The following CATSPERB variants were observed in gnomAD, a reference collection of about 807,000 sequenced individuals.
The protein encoded by CATSPERB is catsper channel auxiliary subunit beta.
Under a neutral mutation model 128.3 loss-of-function variants are expected in CATSPERB, and 93 were observed. That is an observed-to-expected ratio of 0.72 (90% CI 0.61 to 0.86). The LOEUF is 0.86. Among genes scored for constraint, CATSPERB ranks in the 40% least tolerant of loss-of-function variants. The pLI, the probability that CATSPERB is intolerant of heterozygous loss-of-function variation, is 0.00. For synonymous variants in CATSPERB, 381 were observed against 448.8 expected (o/e 0.85, Z 1.91); for missense variants, 1,153 against 1,329.5 (o/e 0.87, Z 2.06).
chr14:91,660,979 C>CT (rs1170048490), intron 14 of CATSPERB, among the ~76,000 whole-genome samples: 1 of 152,180 alleles, frequency 6.6e-6, no homozygotes, highest in African/African-American at 2.4e-5. Flanking sequence ...GGACTGCTTG[C>CT]TTACTGGGCC....
At chr14:91,724,999 A>C in intron 3 of CATSPERB, 81 bp downstream of exon 3, 1 of 564,650 alleles carries the variant, frequency 1.8e-6, no homozygotes, top group Non-Finnish European at 2.9e-6. Context: ...GGTATTTGGA[A>C]AGAATACAAT....
At chr14:91,726,008 T>A (rs1460984701) in intron 2 of CATSPERB, among the ~76,000 whole-genome samples, 1 of 152,120 alleles carries the variant, frequency 6.6e-6, no homozygotes, top group African/African-American at 2.4e-5. Flanking sequence ...GAGGAGCTCC[T>A]CTGGGGATGG....
At chr14:91,594,319 G>A (rs1424003683) in intron 22 of CATSPERB, among the ~76,000 whole-genome samples, 1 of 151,702 alleles carries the variant, frequency 6.6e-6, no homozygotes, top group Non-Finnish European at 1.5e-5. Flanking sequence ...ACACACCAGG[G>A]ACTGTTGTGG....
At chr14:91,599,185 G>C in intron 22 of CATSPERB, among the ~76,000 whole-genome samples, 1 of 152,088 alleles carries the variant, frequency 6.6e-6, no homozygotes, top group East Asian at 1.9e-4. Context: ...CAAAGGTCAG[G>C]GGCATCTCCA....
intron 22 of CATSPERB, among the ~76,000 whole-genome samples, chr14:91,600,861 A>G (rs886240069): frequency 3.3e-5 from 5 of 152,240 alleles, no homozygotes; most frequent in African/African-American, 1.2e-4. Context: ...TCAAGACTAA[A>G]ATGGTCATCA....
At chr14:91,617,182 T>G (rs1476535679) in intron 20 of CATSPERB, among the ~76,000 whole-genome samples, 2 of 152,206 alleles carry the variant, frequency 1.3e-5, no homozygotes, top group Non-Finnish European at 2.9e-5. Context: ...TGTTACCTTT[T>G]TCTTTAATTT....
rs914206813 is a variant in CATSPERB at position 91,674,368 on chromosome 14, A to G, written c.932-146T>C. The G allele has an allele frequency of 1.2e-5, 7 of 565,722 alleles. No homozygotes were observed. In the African/African-American group the frequency reaches 1.4e-4, roughly 11 times the overall value. 35.0% of individuals were successfully genotyped at this position (565,722 alleles called of 1,614,324 possible). A position where few individuals can be genotyped will look rare whatever the true frequency, so the allele number is the denominator to read the frequency against. ...GTAAATGAAAATAATAATAATAATAAAAGTTATGTATCATCAAGTAATGTA... is the reference window on the plus strand; with the variant it reads ...GTAAATGAAAATAATAATAATAATAGAAGTTATGTATCATCAAGTAATGTA... On this transcript the variant is annotated intron_variant, in intron 11 of 26. Transcript: ENST00000256343.
intron 7 of CATSPERB, 63 bp from the exon 8 acceptor site, chr14:91,693,542 G>T (rs1348362747): frequency 2.5e-6 from 3 of 1,211,054 alleles, no homozygotes; most frequent in Non-Finnish European, 3.7e-6. Flanking sequence ...ACCTTCAGGG[G>T]CAAGAGCCCA....
intron 18 of CATSPERB, 131 bp downstream of exon 18, chr14:91,624,689 C>A: frequency 2.9e-5 from 16 of 559,856 alleles, no homozygotes; most frequent in South Asian, 1.1e-4. Context: ...TATATGTAAA[C>A]TTTGGTAGGT....
At chr14:91,619,555 A>ATTTTT (rs1566706232) in intron 19 of CATSPERB, among the ~76,000 whole-genome samples, 13,552 of 143,946 alleles carry the variant, frequency 0.094, 701 homozygotes, top group Middle Eastern at 0.17. Context: ...CTTTTTTTTA[A>ATTTTT]AAAAAAAATA....
At position 91,685,739 on chromosome 14, in the gene CATSPERB, A is replaced by G. The variant is rs562200074; in HGVS notation, c.865-1796T>C. 2.6e-5 allele frequency among the ~76,000 whole-genome samples: 4 copies of G among 152,294 alleles called. No individual in the cohort carries two copies. In the East Asian group the frequency reaches 7.7e-4, roughly 29 times the overall value. ...GCAGTGCATGCTAAGAAGACAAAAC[A>G]TGTTATGCAAAGGAGTCGAGGTGTG... On this transcript the variant is annotated intron_variant, in intron 10 of 26. Coordinates refer to ENST00000256343, the MANE Select transcript of CATSPERB (RefSeq NM_024764.4).
At chr14:91,705,314 T>C (rs1895716806) in intron 6 of CATSPERB, among the ~76,000 whole-genome samples, 1 of 151,962 alleles carries the variant, frequency 6.6e-6, no homozygotes, top group African/African-American at 2.4e-5. Context: ...CTCTTCCCAA[T>C]CTCATTGAAA....
At chr14:91,637,941 G>A (rs138254404) in intron 16 of CATSPERB, among the ~76,000 whole-genome samples, 277 of 152,120 alleles carry the variant, frequency 1.8e-3, no homozygotes, top group African/African-American at 6.3e-3. Flanking sequence ...GTATAAATGC[G>A]GAATTCACAC....
intron 10 of CATSPERB, 45 bp from the exon 11 acceptor site, chr14:91,683,988 A>G (rs371181934): frequency 8.4e-6 from 11 of 1,315,814 alleles, no homozygotes; most frequent in Non-Finnish European, 1.1e-5. Context: ...TGTAGACTTA[A>G]GATATCTTAA....
chr14:91,631,712 T>G (rs758585579), intron 17 of CATSPERB, among the ~76,000 whole-genome samples: 4 of 151,298 alleles, frequency 2.6e-5, no homozygotes, highest in Non-Finnish European at 5.9e-5. Flanking sequence ...CCAAGAGGGA[T>G]TTCTTCAAGG....
chr14:91,615,096 T>C (rs1012804644), intron 20 of CATSPERB, among the ~76,000 whole-genome samples: 12 of 151,436 alleles, frequency 7.9e-5, no homozygotes, highest in African/African-American at 2.4e-4. Context: ...ACCCCAGGGG[T>C]CCCCAACCCC....
intron 15 of CATSPERB, among the ~76,000 whole-genome samples, chr14:91,653,567 A>T (rs868274437): frequency 6.6e-6 from 1 of 152,218 alleles, no homozygotes; most frequent in Non-Finnish European, 1.5e-5. Flanking sequence ...AGAGGGTGGA[A>T]GGCACTTCTT....
At chr14:91,683,251 C>T (rs2139839317) in intron 11 of CATSPERB, among the ~76,000 whole-genome samples, 1 of 152,272 alleles carries the variant, frequency 6.6e-6, no homozygotes, top group South Asian at 2.1e-4. Flanking sequence ...AAGAATATTT[C>T]CAACTCCAGG....
chr14:91,666,737 T>C (rs1894989957), intron 14 of CATSPERB, among the ~76,000 whole-genome samples: 1 of 152,196 alleles, frequency 6.6e-6, no homozygotes, highest in African/African-American at 2.4e-5. Context: ...AGGAAGTTTA[T>C]GGCTATCAGA....
Sources: gnomAD v4.1 joint callset for allele counts (sites outside exome capture counted in the v4.1 genomes callset) on GRCh38, gnomAD v4.1.1 for gene constraint, MANE v1.5 for transcripts, NCBI Gene and HGNC (gene_info 2026-07-23, HGNC 2026-07-21) for gene names.